Variants in OPCML observed in about 807,000 individuals in gnomAD.
OPCML encodes the protein opioid-binding protein/cell adhesion molecule.
Under a neutral mutation model 37.8 loss-of-function variants are expected in OPCML, and 13 were observed. That is an observed-to-expected ratio of 0.34 (90% CI 0.22 to 0.55). The LOEUF (loss-of-function observed/expected upper bound fraction) is 0.55. Among genes scored for constraint, OPCML ranks in the 20% least tolerant of loss-of-function variants. The pLI, the probability that OPCML is intolerant of heterozygous loss-of-function variation, is 0.91. For synonymous variants in OPCML, 176 were observed against 168.8 expected (o/e 1.04, Z -0.33); for missense variants, 341 against 435.6 (o/e 0.78, Z 1.93).
rs548292361 is a variant in OPCML, at chr11:132,871,214, A to T, written c.146+71712T>A. The stretch of plus-strand genomic sequence containing the variant: ...TAATTAAAATTTTTTAACTTAATTT[A>T]AAAAAAAAAAAAAGACAGTCAGCCC... On this transcript the variant is annotated intron_variant, in intron 2 of 7. Coordinates refer to ENST00000524381, the MANE Select transcript of OPCML (RefSeq NM_001012393.5). Among the ~76,000 whole-genome samples the T allele has an allele frequency of 2.9e-3, 281 of 97,044 alleles. 1 individual carries two copies. Among genetic ancestry groups the T allele is most frequent in the Non-Finnish European group, 3.9e-3 (183 of 46,468 alleles). 63.7% of individuals were successfully genotyped at this position (97,044 alleles called of 152,430 possible). A position where few individuals can be genotyped will look rare whatever the true frequency, so the allele number is the denominator to read the frequency against.
intron 4 of OPCML, among the ~76,000 whole-genome samples, chr11:132,508,676 A>T (rs1464297396): frequency 6.6e-6 from 1 of 152,134 alleles, no homozygotes; most frequent in East Asian, 1.9e-4. Context: ...ATGGGCAATT[A>T]TTAGGGGTTT....
intron 1 of OPCML, among the ~76,000 whole-genome samples, chr11:133,464,856 A>T (rs1420288179): frequency 3.9e-5 from 6 of 152,134 alleles, no homozygotes; most frequent in Non-Finnish European, 5.9e-5. Flanking sequence ...TGATTGAATG[A>T]TGGAAATGAG....
chr11:133,088,581 G>A (rs1198422468), intron 1 of OPCML, among the ~76,000 whole-genome samples: 2 of 152,184 alleles, frequency 1.3e-5, no homozygotes. Flanking sequence ...AAAGGGGATT[G>A]CAATAAAAAT....
At chr11:133,062,932 G>C (rs1307275220) in intron 1 of OPCML, among the ~76,000 whole-genome samples, 1 of 152,268 alleles carries the variant, frequency 6.6e-6, no homozygotes, top group Non-Finnish European at 1.5e-5. Context: ...GCTGGGGACT[G>C]ATCTGAGGTA....
At chr11:133,075,552 C>T (rs1948608601) in intron 1 of OPCML, among the ~76,000 whole-genome samples, 1 of 152,226 alleles carries the variant, frequency 6.6e-6, no homozygotes, top group African/African-American at 2.4e-5. Flanking sequence ...CCGGACACTG[C>T]CAGGTGCACA....
chr11:132,470,892 G>A (rs1158644632), intron 4 of OPCML, among the ~76,000 whole-genome samples: 1 of 152,144 alleles, frequency 6.6e-6, no homozygotes, highest in Non-Finnish European at 1.5e-5. Context: ...TTAAAAAGTA[G>A]AGACAGAAGA....
intron 1 of OPCML, among the ~76,000 whole-genome samples, chr11:133,180,363 C>T (rs1298621015): frequency 6.6e-6 from 1 of 152,178 alleles, no homozygotes; most frequent in Non-Finnish European, 1.5e-5. Context: ...GTGGCAGCAG[C>T]AGCTGATTGC....
At chr11:132,487,947 C>T (rs148741496) in intron 4 of OPCML, among the ~76,000 whole-genome samples, 1 of 152,176 alleles carries the variant, frequency 6.6e-6, no homozygotes. Context: ...TTACTCTATC[C>T]TCTCCTCACT....
At chr11:132,483,967 A>G (rs1423316060) in intron 4 of OPCML, among the ~76,000 whole-genome samples, 13 of 152,174 alleles carry the variant, frequency 8.5e-5, no homozygotes, top group Non-Finnish European at 1.6e-4. Context: ...AAAAACCCTA[A>G]AAGAAAACCT....
chr11:133,103,845 T>C (rs562425313), intron 1 of OPCML, among the ~76,000 whole-genome samples: 25 of 152,332 alleles, frequency 1.6e-4, no homozygotes, highest in African/African-American at 5.8e-4. Context: ...TACACCCAGA[T>C]AATTTTTAAA....
chr11:133,261,739 GA>G lies in OPCML; in HGVS notation c.61+270524del, dbSNP rs1941501603. 1.3e-5 allele frequency among the ~76,000 whole-genome samples: 2 copies of G among 152,266 alleles called. 1 individual carries two copies. The highest frequency in any genetic ancestry group is 1.3e-4 in the Admixed American group (2 of 15,288). On this transcript the variant is annotated intron_variant, in intron 1 of 7. Coordinates refer to ENST00000524381, the MANE Select transcript of OPCML (RefSeq NM_001012393.5). The stretch of plus-strand genomic sequence containing the variant: ...GGTGGAGAAAGAGAGACGGGGAGGA[GA>G]GGGGGAGAGAGAAGAAATACATTAT...
intron 1 of OPCML, among the ~76,000 whole-genome samples, chr11:133,226,109 G>T (rs1358248480): frequency 6.6e-6 from 1 of 152,210 alleles, no homozygotes; most frequent in African/African-American, 2.4e-5. Context: ...CTATGAGTGA[G>T]ATAATTAAGC....
chr11:132,663,970 T>C (rs569925607), intron 2 of OPCML, among the ~76,000 whole-genome samples: 24 of 152,240 alleles, frequency 1.6e-4, no homozygotes, highest in Middle Eastern at 3.4e-3. Context: ...GTAGCTGGGA[T>C]TACAGGCGCC....
At chr11:132,586,499 A>G (rs1174983853) in intron 3 of OPCML, among the ~76,000 whole-genome samples, 1 of 152,222 alleles carries the variant, frequency 6.6e-6, no homozygotes, top group East Asian at 1.9e-4. Context: ...TCAGTGATAT[A>G]GTGAATGCAT....
At chr11:133,062,920 G>A (rs566404684) in intron 1 of OPCML, among the ~76,000 whole-genome samples, 11 of 152,380 alleles carry the variant, frequency 7.2e-5, no homozygotes, top group African/African-American at 2.2e-4. Flanking sequence ...GGCAGCTGCA[G>A]CGCTGGGGAC....
intron 4 of OPCML, among the ~76,000 whole-genome samples, chr11:132,459,444 C>T (rs900806061): frequency 6.9e-6 from 1 of 144,094 alleles, no homozygotes; most frequent in Non-Finnish European, 1.5e-5. Context: ...TACATACATA[C>T]ATACATATCT....
chr11:132,455,496 C>G (rs978244826), intron 4 of OPCML, among the ~76,000 whole-genome samples: 2 of 152,176 alleles, frequency 1.3e-5, no homozygotes, highest in Non-Finnish European at 2.9e-5. Context: ...TTCAAATCCG[C>G]CCTCGAGTGA....
chr11:132,744,498 C>G (rs1345347873), intron 2 of OPCML, among the ~76,000 whole-genome samples: 1 of 152,178 alleles, frequency 6.6e-6, no homozygotes, highest in Non-Finnish European at 1.5e-5. Context: ...CTAGCCATGA[C>G]CCATGCTAGC....
At chr11:132,703,246 T>G (rs1943900735) in intron 2 of OPCML, among the ~76,000 whole-genome samples, 1 of 152,202 alleles carries the variant, frequency 6.6e-6, no homozygotes. Context: ...GGCATGTTGT[T>G]ATTTTGTATA....
Sources: gnomAD v4.1 joint callset for allele counts (sites outside exome capture counted in the v4.1 genomes callset) on GRCh38, gnomAD v4.1.1 for gene constraint, MANE v1.5 for transcripts, NCBI Gene and HGNC (gene_info 2026-07-23, HGNC 2026-07-21) for gene names.